Variants in NEO1 observed in about 807,000 individuals in gnomAD.
NEO1 encodes the protein neogenin 1, also known as neogenin.
A neutral mutation model predicts 159.7 loss-of-function variants in NEO1; 63 were observed. The ratio of observed to expected loss-of-function variants is 0.39; its 90% CI spans 0.32 to 0.49. NEO1 has a LOEUF of 0.49. Among genes scored for constraint, NEO1 ranks in the 20% least tolerant of loss-of-function variants. NEO1 has a pLI of 0.85. For synonymous variants in NEO1, 633 were observed against 662.0 expected (o/e 0.96, Z 0.67); for missense variants, 1,615 against 1,831.0 (o/e 0.88, Z 2.15).
intron 16 of NEO1, among the ~76,000 whole-genome samples, chr15:73,269,260 C>G (rs1331748742): frequency 6.6e-6 from 1 of 152,202 alleles, no homozygotes; most frequent in Non-Finnish European, 1.5e-5. Flanking sequence ...AATTCAGCCA[C>G]ATTCACTGAA....
intron 5 of NEO1, among the ~76,000 whole-genome samples, chr15:73,153,904 A>G (rs1022344956): frequency 6.6e-6 from 1 of 152,192 alleles, no homozygotes; most frequent in African/African-American, 2.4e-5. Flanking sequence ...AAAATACTGC[A>G]AGAGTTAGGG....
rs1167472759 is a variant in NEO1 at position 73,304,758 on chromosome 15, G to A, written c.*2062G>A. 1.3e-5 allele frequency: 2 copies of A among 152,054 alleles called. No individual in the cohort carries two copies. The highest frequency in any genetic ancestry group is 4.8e-5 in the African/African-American group (2 of 41,394). The allele number at this position is 152,054 out of a possible 1,614,324, so 9.4% of individuals were successfully genotyped here. The stretch of plus-strand genomic sequence containing the variant: ...GCATTTCCTCCCACAAACCCTGACT[G>A]CTTCTGTTACCTCAGGGCCTTGGTA... On this transcript the variant is annotated 3_prime_UTR_variant, in exon 29 of 29. Transcript: ENST00000261908.
At chr15:73,268,415 A>C (rs996757661) in intron 16 of NEO1, among the ~76,000 whole-genome samples, 9 of 152,198 alleles carry the variant, frequency 5.9e-5, no homozygotes, top group Non-Finnish European at 1.0e-4. Flanking sequence ...ATAAGAAAAA[A>C]AATTTCTACA....
At chr15:73,200,882 A>G (rs1243679414) in intron 7 of NEO1, among the ~76,000 whole-genome samples, 1 of 151,604 alleles carries the variant, frequency 6.6e-6, no homozygotes, top group Admixed American at 6.6e-5. Context: ...CAGTTTCGCC[A>G]TGTTGCCCAG....
chr15:73,214,157 G>A (rs1036348703), intron 7 of NEO1, among the ~76,000 whole-genome samples: 1 of 152,072 alleles, frequency 6.6e-6, no homozygotes, highest in African/African-American at 2.4e-5. Flanking sequence ...GATTCTGGAT[G>A]TTAGTCCTTT....
intron 1 of NEO1, among the ~76,000 whole-genome samples, chr15:73,097,292 T>A (rs2070103081): frequency 6.6e-6 from 1 of 152,076 alleles, no homozygotes; most frequent in African/African-American, 2.4e-5. Context: ...TTTAAATTTT[T>A]ATCTTTTAAT....
At chr15:73,237,896 C>G (rs1255878233) in intron 8 of NEO1, among the ~76,000 whole-genome samples, 1 of 152,044 alleles carries the variant, frequency 6.6e-6, no homozygotes, top group East Asian at 1.9e-4. Flanking sequence ...AGGTTTTTTG[C>G]TCTTATTGTG....
chr15:73,200,252 T>C (rs1487175569), intron 7 of NEO1, among the ~76,000 whole-genome samples: 1 of 152,136 alleles, frequency 6.6e-6, no homozygotes, highest in African/African-American at 2.4e-5. Flanking sequence ...GTTATCTGTT[T>C]ATCCTTGTAT....
intron 1 of NEO1, among the ~76,000 whole-genome samples, chr15:73,098,577 T>G (rs1319484943): frequency 6.6e-6 from 1 of 152,200 alleles, no homozygotes; most frequent in Non-Finnish European, 1.5e-5. Flanking sequence ...GAAAATAAAC[T>G]TATTTTACAG....
chr15:73,225,468 G>A (rs766938320), intron 7 of NEO1, among the ~76,000 whole-genome samples: 21 of 152,082 alleles, frequency 1.4e-4, no homozygotes, highest in Non-Finnish European at 2.2e-4. Flanking sequence ...CTCCTTGGGC[G>A]CGTCTCCCTG....
chr15:73,143,598 G>C (rs1338477055), intron 5 of NEO1: 1 of 152,828 alleles, frequency 6.5e-6, no homozygotes, highest in African/African-American at 2.4e-5. Flanking sequence ...CCTCATCCCT[G>C]CTGTCCATCA....
intron 13 of NEO1, among the ~76,000 whole-genome samples, chr15:73,256,308 T>C (rs577650407): frequency 1.9e-4 from 29 of 152,224 alleles, no homozygotes; most frequent in African/African-American, 6.7e-4. Flanking sequence ...AAGACCAGCC[T>C]GGCCAACATG....
At chr15:73,058,223 C>T (rs1056348534) in intron 1 of NEO1, among the ~76,000 whole-genome samples, 20 of 152,192 alleles carry the variant, frequency 1.3e-4, no homozygotes, top group Non-Finnish European at 2.8e-4. Flanking sequence ...AGAACACTCC[C>T]TGACTTCCAG....
chr15:73,289,513 C>T (rs923572098), intron 25 of NEO1, among the ~76,000 whole-genome samples: 1 of 152,176 alleles, frequency 6.6e-6, no homozygotes, highest in South Asian at 2.1e-4. Flanking sequence ...CCTAAAAGTG[C>T]ATCATATCTC....
intron 27 of NEO1, among the ~76,000 whole-genome samples, chr15:73,300,730 CAA>C (rs944839882): frequency 6.7e-6 from 1 of 150,218 alleles, no homozygotes; most frequent in African/African-American, 2.4e-5. Context: ...GACTCCGTCT[CAA>C]AAAAAAAGAC....
At chr15:73,181,842 T>G (rs901802737) in intron 7 of NEO1, among the ~76,000 whole-genome samples, 16 of 152,144 alleles carry the variant, frequency 1.1e-4, no homozygotes, top group African/African-American at 3.6e-4. Context: ...TGAGACTTTA[T>G]CAACTGATTG....
chr15:73,164,177 A>ATG (rs2034401804), intron 5 of NEO1, among the ~76,000 whole-genome samples: 1 of 138,340 alleles, frequency 7.2e-6, no homozygotes, highest in African/African-American at 2.7e-5. Context: ...ACAGGCACCC[A>ATG]CCACCACGCC....
intron 1 of NEO1, among the ~76,000 whole-genome samples, chr15:73,078,333 T>C (rs899705480): frequency 3.3e-5 from 5 of 152,228 alleles, no homozygotes; most frequent in Non-Finnish European, 7.3e-5. Context: ...TTCTGTGATA[T>C]ACTGTATTCA....
At chr15:73,233,833 T>C (rs764926572) in intron 7 of NEO1, among the ~76,000 whole-genome samples, 2 of 152,196 alleles carry the variant, frequency 1.3e-5, no homozygotes, top group Non-Finnish European at 2.9e-5. Flanking sequence ...GTAAATAACA[T>C]GTACGCAGAG....
Sources: gnomAD v4.1 joint callset for allele counts (sites outside exome capture counted in the v4.1 genomes callset) on GRCh38, gnomAD v4.1.1 for gene constraint, MANE v1.5 for transcripts, NCBI Gene and HGNC (gene_info 2026-07-23, HGNC 2026-07-21) for gene names.